Variants in LCT observed in about 807,000 individuals in gnomAD.
The protein encoded by LCT is lactase, also known as lactase/phlorizin hydrolase.
LCT carries 90 observed loss-of-function variants against 173.0 expected under a neutral mutation model. That is an observed-to-expected ratio of 0.52 (90% CI 0.44 to 0.62). The LOEUF is 0.62. Among genes scored for constraint, LCT ranks in the 20% least tolerant of loss-of-function variants. The probability of loss-of-function intolerance (pLI) is 0.00; values close to 1 mark genes in which losing one functional copy is unlikely to be tolerated. For missense variants in LCT, 1,864 were observed against 2,431.4 expected, an observed-to-expected ratio of 0.77 and a Z score of 4.91; for synonymous variants, 853 against 957.6, an observed-to-expected ratio of 0.89 and a Z score of 2.02.
chr2:135,798,541 G>A (rs2077600771), intron 12 of LCT, among the ~76,000 whole-genome samples: 2 of 152,214 alleles, frequency 1.3e-5, no homozygotes. Context: ...CCTCATCAAA[G>A]TGCCCAAGGA....
intron 7 of LCT, among the ~76,000 whole-genome samples, chr2:135,811,121 G>A (rs375471925): frequency 3.9e-5 from 6 of 152,138 alleles, no homozygotes; most frequent in South Asian, 4.2e-4. Context: ...TGGGAGAATC[G>A]CTTGAGCCCA....
chr2:135,820,904 G>A (rs2077822577), intron 5 of LCT, among the ~76,000 whole-genome samples: 2 of 150,112 alleles, frequency 1.3e-5, no homozygotes, highest in East Asian at 3.9e-4. Context: ...TTTTGGAGAT[G>A]GAGTCTCGCT....
Position 135,831,344 on chromosome 2 carries a change from A to T in LCT, c.721-1668T>A, listed in dbSNP as rs140595808. On this transcript the variant is annotated intron_variant, in intron 2 of 16. Transcript: ENST00000264162. ...GGATGCAGGAGGGTAGGAAGCAAGC[A>T]TAGCACTCACATGGACAAAATAGGA... 6.6e-4 allele frequency among the ~76,000 whole-genome samples: 100 copies of T among 152,166 alleles called. 1 individual carries two copies. The highest frequency in any genetic ancestry group is 2.3e-3 in the African/African-American group (96 of 41,504).
chr2:135,824,455 C>T (rs1160573314), intron 3 of LCT, among the ~76,000 whole-genome samples: 7 of 152,058 alleles, frequency 4.6e-5, no homozygotes, highest in Admixed American at 2.0e-4. Context: ...CCAGGAGGAT[C>T]GCTTGAGCCC....
intron 1 of LCT, among the ~76,000 whole-genome samples, chr2:135,834,814 G>GAAA (rs2077972303): frequency 3.9e-5 from 4 of 103,510 alleles, no homozygotes; most frequent in Non-Finnish European, 5.9e-5. Context: ...AAAAAAAGAA[G>GAAA]AAGAAAAAAA....
chr2:135,822,683 C>T (rs1374149639), intron 4 of LCT: 9 of 159,232 alleles, frequency 5.7e-5, no homozygotes, highest in Admixed American at 1.8e-4. Flanking sequence ...CCTGTGGAGC[C>T]AACCCATTGC....
intron 7 of LCT, among the ~76,000 whole-genome samples, chr2:135,811,507 A>AT (rs1180171703): frequency 6.6e-6 from 1 of 152,198 alleles, no homozygotes; most frequent in Non-Finnish European, 1.5e-5. Flanking sequence ...GATCAATTGG[A>AT]TCAAAATCAA....
At chr2:135,804,286 A>G in intron 10 of LCT, among the ~76,000 whole-genome samples, 158 bp from the exon 11 acceptor site, 1 of 152,222 alleles carries the variant, frequency 6.6e-6, no homozygotes, top group East Asian at 1.9e-4. Context: ...GAAAAGGGTA[A>G]ATTGCTTTCA....
intron 13 of LCT, among the ~76,000 whole-genome samples, chr2:135,796,171 G>C (rs78859047): frequency 6.6e-6 from 1 of 152,204 alleles, no homozygotes; most frequent in Admixed American, 6.5e-5. Context: ...GAATGCATGC[G>C]CATGCCCACA....
intron 12 of LCT, among the ~76,000 whole-genome samples, chr2:135,798,804 G>C (rs1420383696): frequency 6.6e-6 from 1 of 152,038 alleles, no homozygotes; most frequent in Non-Finnish European, 1.5e-5. Context: ...GGGAATGTGG[G>C]GTGAGGGCAG....
At chr2:135,808,326 T>G in intron 8 of LCT, 117 bp downstream of exon 8, 1 of 873,986 alleles carries the variant, frequency 1.1e-6, no homozygotes, top group Non-Finnish European at 2.0e-6. Context: ...ATTATGGAGT[T>G]GGGACCTAAG....
intron 11 of LCT, among the ~76,000 whole-genome samples, chr2:135,802,068 G>T (rs146719002): frequency 9.2e-5 from 14 of 152,264 alleles, no homozygotes; most frequent in African/African-American, 3.1e-4. Context: ...CTGACACGGA[G>T]ATACCCTGAT....
intron 5 of LCT, among the ~76,000 whole-genome samples, chr2:135,818,455 T>C (rs1314959555): frequency 6.6e-6 from 1 of 152,260 alleles, no homozygotes; most frequent in Non-Finnish European, 1.5e-5. Context: ...TAAGAATGGA[T>C]GTGTATTATC....
intron 5 of LCT, among the ~76,000 whole-genome samples, chr2:135,818,594 C>G (rs925871887): frequency 6.6e-6 from 1 of 152,172 alleles, no homozygotes; most frequent in East Asian, 1.9e-4. Flanking sequence ...AATCCCAGCA[C>G]TTTGGGAGGC....
chr2:135,806,692 G>A (rs1305412304), intron 9 of LCT, among the ~76,000 whole-genome samples: 2 of 152,226 alleles, frequency 1.3e-5, no homozygotes, highest in Non-Finnish European at 2.9e-5. Context: ...TAGCCTAGGA[G>A]CACTAGGCTA....
At chr2:135,815,511 A>G (rs1230799644) in intron 6 of LCT, among the ~76,000 whole-genome samples, 1 of 152,070 alleles carries the variant, frequency 6.6e-6, no homozygotes, top group Non-Finnish European at 1.5e-5. Context: ...AATGTTTGAC[A>G]TTTCATTGAG....
chr2:135,817,885 C>A lies in LCT; in HGVS notation c.1163G>T (p.Trp388Leu). The stretch of plus-strand genomic sequence containing the variant: ...GTTAAAGGCTCCTGTGGAGGCACCC[C>A]AGAGGAAGCCTTCAGGGAAAGTATC... Reference protein sequence around the residue: ...LQDTFPEGFLWGASTGAFNVE... With the variant: ...LQDTFPEGFLLGASTGAFNVE... Residue 388 changes from tryptophan (W) to leucine (L), a missense_variant, in exon 6 of 17, where the codon TGG becomes TTG. Trp to Leu is a moderately conservative substitution (Grantham distance 61). This residue lies in a region of LCT where 183 missense variants were observed against 293.1 expected (regional missense o/e 0.62). Coordinates refer to ENST00000264162, the MANE Select transcript of LCT (RefSeq NM_002299.4). 6.2e-7 allele frequency: 1 copy of A among 1,613,958 alleles called. No homozygotes were observed. The highest frequency in any genetic ancestry group is 8.5e-7 in the Non-Finnish European group (1 of 1,179,968).
In LCT at chr2:135,809,842, G is replaced by T. The variant is rs1234446374; in HGVS notation, c.2505C>A (p.Ala835=). ...TTTCTATGATGCTAGTGAAAAAGTA[G>T]GCAGATTTCCTGGGAGTCCTTGACT... is the stretch of plus-strand genomic sequence containing the variant. The part of the protein sequence containing the change: ...SSKSRTPRKS[A]YFFTSIIEKN... The change falls in exon 8 of 17, where the codon GCC becomes GCA. Residue 835 remains alanine (A), a synonymous_variant. Coordinates refer to ENST00000264162, the MANE Select transcript of LCT (RefSeq NM_002299.4). The surrounding 1 kb of genome is among the most constrained non-coding windows in gnomAD (Gnocchi z 5.5). 8 of 1,614,014 alleles carry T rather than the reference G, an allele frequency of 5.0e-6. No individual in the cohort carries two copies. The highest frequency in any genetic ancestry group is 1.3e-5 in the African/African-American group (1 of 74,910).
At chr2:135,824,230 C>T (rs1217975429) in intron 3 of LCT, among the ~76,000 whole-genome samples, 1 of 152,212 alleles carries the variant, frequency 6.6e-6, no homozygotes, top group Non-Finnish European at 1.5e-5. Flanking sequence ...TTCACCTCTT[C>T]TTTCATCACA....
Sources: gnomAD v4.1 joint callset for allele counts (sites outside exome capture counted in the v4.1 genomes callset) on GRCh38, gnomAD v4.1.1 for gene constraint, gnomAD v4.1.1 regional missense constraint, Gnocchi (gnomAD v3.1) non-coding constraint, MANE v1.5 for transcripts, NCBI Gene and HGNC (gene_info 2026-07-23, HGNC 2026-07-21) for gene names.